Variants in TEKT5 observed in about 807,000 individuals in gnomAD.
The protein encoded by TEKT5 is tektin 5, also known as tektin-5.
TEKT5 carries 52 observed loss-of-function variants against 48.7 expected under a neutral mutation model. The observed-to-expected ratio is 1.07, with a 90% confidence interval of 0.86 to 1.35. TEKT5 has a LOEUF of 1.35. TEKT5 is among the 40% of genes most tolerant of loss of function. TEKT5 has a pLI of 0.00. For missense variants in TEKT5, 831 were observed against 641.6 expected, an observed-to-expected ratio of 1.30 and a Z score of -3.19; for synonymous variants, 318 against 267.6, an observed-to-expected ratio of 1.19 and a Z score of -1.84.
intron 6 of TEKT5, among the ~76,000 whole-genome samples, chr16:10,634,810 AC>A (rs1182296630): frequency 6.6e-6 from 1 of 152,134 alleles, no homozygotes; most frequent in Non-Finnish European, 1.5e-5. Flanking sequence ...ACTGAGTTCT[AC>A]CAACAAGCAT....
chr16:10,661,656 G>A (rs1898373132), intron 5 of TEKT5, among the ~76,000 whole-genome samples: 1 of 152,080 alleles, frequency 6.6e-6, no homozygotes. Context: ...GAAGTAGGAA[G>A]GACTTGAGAA....
intron 5 of TEKT5, among the ~76,000 whole-genome samples, chr16:10,640,124 C>CATCTTCCTCCT (rs1366562796): frequency 6.7e-6 from 1 of 148,828 alleles, no homozygotes; most frequent in East Asian, 2.1e-4. Flanking sequence ...TTCCTCCTCC[C>CATCTTCCTCCT]CCCTTCCTCC....
intron 5 of TEKT5, among the ~76,000 whole-genome samples, chr16:10,672,190 A>C (rs1228218567): frequency 6.6e-6 from 1 of 151,736 alleles, no homozygotes; most frequent in Non-Finnish European, 1.5e-5. Context: ...TACCATAATA[A>C]AAATGGGTCT....
At chr16:10,642,530 C>T (rs1898010598) in intron 5 of TEKT5, among the ~76,000 whole-genome samples, 1 of 152,158 alleles carries the variant, frequency 6.6e-6, no homozygotes, top group Non-Finnish European at 1.5e-5. Context: ...TCCTGAGCCA[C>T]CCCAGTGCTC....
intron 5 of TEKT5, among the ~76,000 whole-genome samples, chr16:10,643,850 C>T (rs1432895005): frequency 6.6e-6 from 1 of 152,062 alleles, no homozygotes; most frequent in African/African-American, 2.4e-5. Context: ...CCAGCCTGGG[C>T]CACATAGTGA....
In TEKT5 at chr16:10,652,957, T is replaced by C. The variant is rs1238875782; in HGVS notation, c.1087-17039A>G. Among the ~76,000 whole-genome samples, 5 of 134,318 alleles carry C rather than the reference T, an allele frequency of 3.7e-5. No individual in the cohort carries two copies. In the South Asian group the frequency reaches 1.2e-3, roughly 33 times the overall value. The allele number at this position is 134,318 out of a possible 152,430, so 88.1% of individuals were successfully genotyped here. A position where few individuals can be genotyped will look rare whatever the true frequency, so the allele number is the denominator to read the frequency against. Reference sequence around the variant, plus strand: ...CCTCTCCAGGTCAGGTAGAACAATCTCTTATATACACAGGCAGAGACGCAC... The same window carrying C: ...CCTCTCCAGGTCAGGTAGAACAATCCCTTATATACACAGGCAGAGACGCAC... On this transcript the variant is annotated intron_variant, in intron 5 of 6. Transcript: ENST00000283025.
chr16:10,694,286 C>T, intron 1 of TEKT5, 24 bp downstream of exon 1: 1 of 1,544,056 alleles, frequency 6.5e-7, no homozygotes, highest in South Asian at 1.2e-5. Flanking sequence ...ACAGCCACAG[C>T]CCTGTCCCCA....
intron 5 of TEKT5, among the ~76,000 whole-genome samples, chr16:10,659,035 G>C (rs903982096): frequency 1.3e-5 from 2 of 152,150 alleles, no homozygotes; most frequent in African/African-American, 2.4e-5. Context: ...AGATCATTCT[G>C]TGTGTGGTAT....
chr16:10,694,861 C>G lies in TEKT5; in HGVS notation c.13G>C (p.Gly5Arg). 6.4e-7 allele frequency: 1 copy of G among 1,555,948 alleles called. No homozygotes were observed. The highest frequency in any genetic ancestry group is 8.7e-7 in the Non-Finnish European group (1 of 1,154,878). Residue 5 changes from glycine (G) to arginine (R), a missense_variant, in exon 1 of 7, where the codon GGG (glycine) becomes CGG (arginine). By Grantham distance (125) the Gly-to-Arg change is moderately radical. Coordinates refer to ENST00000283025, the MANE Select transcript of TEKT5 (RefSeq NM_144674.2). ...CAGTAACTGGCGGTCTGAGTAGTCC[C>G]AAGAAACTCCATCCTCCCTCATGAG... MEFL[G>R]TTQTASYCGP...
intron 5 of TEKT5, among the ~76,000 whole-genome samples, chr16:10,640,939 T>G (rs1455012706): frequency 6.6e-6 from 1 of 152,244 alleles, no homozygotes; most frequent in African/African-American, 2.4e-5. Flanking sequence ...CTATGAATAT[T>G]TGTATCTGAG....
chr16:10,652,603 GACACAC>G (rs71133381), intron 5 of TEKT5, among the ~76,000 whole-genome samples: 644 of 12,222 alleles, frequency 0.053, 39 homozygotes, highest in East Asian at 0.18. Flanking sequence ...TACACAGGCA[GACACAC>G]ACACACACAC....
chr16:10,629,532 T>C (rs1158330989), intron 6 of TEKT5, among the ~76,000 whole-genome samples: 2 of 152,148 alleles, frequency 1.3e-5, no homozygotes, highest in African/African-American at 4.8e-5. Flanking sequence ...ATTACAGGCA[T>C]GAGCCACCAC....
rs186337015 is a variant in TEKT5, at chr16:10,642,786, A to G, written c.1087-6868T>C. ...CTCATATGCAGAAGCTAAAGTGTTG[A>G]TCTCATAGAAGTAAACAGTAGAACA... On this transcript the variant is annotated intron_variant, in intron 5 of 6. Transcript: ENST00000283025. Among the ~76,000 whole-genome samples the G allele has an allele frequency of 2.0e-5, 3 of 152,300 alleles. No homozygotes were observed. In the East Asian group the frequency reaches 5.8e-4, roughly 29 times the overall value.
chr16:10,694,092 CTTCA>C (rs1447596503), intron 1 of TEKT5, among the ~76,000 whole-genome samples: 2 of 152,174 alleles, frequency 1.3e-5, no homozygotes, highest in African/African-American at 4.8e-5. Context: ...TTTGATGTAG[CTTCA>C]AGGAGAAAAG....
intron 5 of TEKT5, among the ~76,000 whole-genome samples, chr16:10,637,341 T>TAA (rs35329984): frequency 0.012 from 1,662 of 138,714 alleles, 20 homozygotes; most frequent in African/African-American, 0.029. Context: ...CAGCCCGCTT[T>TAA]AAAAAAAAAA....
intron 5 of TEKT5, among the ~76,000 whole-genome samples, chr16:10,653,893 A>G (rs1898211922): frequency 6.6e-6 from 1 of 152,220 alleles, no homozygotes; most frequent in Non-Finnish European, 1.5e-5. Flanking sequence ...AGCCTGGGCA[A>G]TAAGAGTGAA....
At chr16:10,644,762 T>G (rs188502130) in intron 5 of TEKT5, among the ~76,000 whole-genome samples, 3 of 152,340 alleles carry the variant, frequency 2.0e-5, no homozygotes, top group African/African-American at 7.2e-5. Context: ...AGTTAAACTA[T>G]AGGACTCCCA....
At chr16:10,677,889 T>A (rs2541500) in intron 4 of TEKT5, among the ~76,000 whole-genome samples, 66,297 of 151,694 alleles carry the variant, frequency 0.44, 16,238 homozygotes, top group East Asian at 0.82. Context: ...CATGCAGGAC[T>A]CACAGCGTGG....
chr16:10,682,571 C>T lies in TEKT5; in HGVS notation c.720-435G>A, dbSNP rs139873786. Among the ~76,000 whole-genome samples, 1,122 of 152,272 alleles carry T rather than the reference C, an allele frequency of 7.4e-3. 7 individuals are homozygous for T. Among genetic ancestry groups the T allele is most frequent in the Non-Finnish European group, 0.012 (801 of 68,024 alleles). On this transcript the variant is annotated intron_variant, in intron 3 of 6. Transcript: ENST00000283025. ...TTGAACTCCTAGGCTCAAGTGATCC[C>T]CCTGCCTCAGTTTCCCAAAGGGTTG...
Sources: gnomAD v4.1 joint callset for allele counts (sites outside exome capture counted in the v4.1 genomes callset) on GRCh38, gnomAD v4.1.1 for gene constraint, MANE v1.5 for transcripts, NCBI Gene and HGNC (gene_info 2026-07-23, HGNC 2026-07-21) for gene names.